Variants in PTPRQ observed in about 807,000 individuals in gnomAD.
The protein encoded by PTPRQ is protein tyrosine phosphatase receptor type Q.
In PTPRQ, 199 loss-of-function variants were observed where a neutral mutation model predicts 246.0. That is an observed-to-expected ratio of 0.81 (90% CI 0.72 to 0.91). The LOEUF is 0.91. Ranked by LOEUF, PTPRQ falls within the 40% of genes least tolerant of loss-of-function variation. PTPRQ has a pLI of 0.00. For missense variants in PTPRQ, 2,624 were observed against 2,528.4 expected, an observed-to-expected ratio of 1.04 and a Z score of -0.81; for synonymous variants, 869 against 853.2, an observed-to-expected ratio of 1.02 and a Z score of -0.32.
chr12:80,631,477 T>G (rs1019045555), intron 33 of PTPRQ, among the ~76,000 whole-genome samples: 1 of 152,196 alleles, frequency 6.6e-6, no homozygotes, highest in Non-Finnish European at 1.5e-5. Flanking sequence ...TTCTTCCCTC[T>G]TTGGCCAGTA....
At chr12:80,612,131 C>G (rs548192972) in intron 28 of PTPRQ, among the ~76,000 whole-genome samples, 87 of 150,400 alleles carry the variant, frequency 5.8e-4, no homozygotes, top group African/African-American at 2.1e-3. Context: ...CAATCAGTCA[C>G]TTATATAAAG....
intron 35 of PTPRQ, among the ~76,000 whole-genome samples, chr12:80,647,869 TACA>T (rs1243915968): frequency 2.0e-5 from 3 of 151,366 alleles, no homozygotes; most frequent in Non-Finnish European, 4.4e-5. Context: ...AGCTGGAAGA[TACA>T]ACATCTCTTT....
intron 41 of PTPRQ, among the ~76,000 whole-genome samples, chr12:80,669,854 C>A (rs1900912442): frequency 6.6e-6 from 1 of 152,040 alleles, no homozygotes; most frequent in Non-Finnish European, 1.5e-5. Flanking sequence ...ATTTAATCTG[C>A]AGCCAGATAG....
chr12:80,626,134 G>T (rs1351863541), intron 33 of PTPRQ, among the ~76,000 whole-genome samples: 1 of 152,114 alleles, frequency 6.6e-6, no homozygotes, highest in African/African-American at 2.4e-5. Flanking sequence ...CAGAAATAGG[G>T]AGTTGCTATG....
chr12:80,465,602 C>T (rs1893369664), intron 6 of PTPRQ: 1 of 152,308 alleles, frequency 6.6e-6, no homozygotes, highest in African/African-American at 2.4e-5. Flanking sequence ...TGCAAAAATC[C>T]TCAGTAAAAT....
At chr12:80,584,788 G>T (rs939648994) in intron 25 of PTPRQ, among the ~76,000 whole-genome samples, 1 of 152,068 alleles carries the variant, frequency 6.6e-6, no homozygotes, top group Non-Finnish European at 1.5e-5. Context: ...TTTTGAAAAT[G>T]TATCTTATGT....
intron 38 of PTPRQ, among the ~76,000 whole-genome samples, chr12:80,655,489 A>G (rs2121241661): frequency 6.6e-6 from 1 of 152,204 alleles, no homozygotes; most frequent in East Asian, 1.9e-4. Context: ...AACAAACCCA[A>G]ATCTCTAGCC....
intron 25 of PTPRQ, among the ~76,000 whole-genome samples, chr12:80,587,007 C>A (rs1262474068): frequency 6.6e-6 from 1 of 152,084 alleles, no homozygotes; most frequent in Admixed American, 6.5e-5. Flanking sequence ...GTCTGGGAGC[C>A]AGTACCCTGT....
intron 19 of PTPRQ, among the ~76,000 whole-genome samples, chr12:80,536,427 C>A (rs551914192): frequency 1.3e-5 from 2 of 152,230 alleles, no homozygotes; most frequent in Admixed American, 1.3e-4. Flanking sequence ...CAGGACTAAC[C>A]TAGCAGGGAG....
intron 14 of PTPRQ, among the ~76,000 whole-genome samples, chr12:80,497,551 T>C (rs907937961): frequency 1.3e-5 from 2 of 152,014 alleles, no homozygotes; most frequent in African/African-American, 2.4e-5. Context: ...ACCCCTGTTA[T>C]AGAGGTTGCT....
chr12:80,674,617 A>G (rs1901076719), intron 43 of PTPRQ, among the ~76,000 whole-genome samples: 1 of 152,150 alleles, frequency 6.6e-6, no homozygotes, highest in Admixed American at 6.6e-5. Flanking sequence ...AATGTAGATT[A>G]TTTAGTTATG....
chr12:80,467,057 A>G (rs970722544), intron 6 of PTPRQ, among the ~76,000 whole-genome samples: 2 of 151,462 alleles, frequency 1.3e-5, no homozygotes, highest in African/African-American at 4.8e-5. Flanking sequence ...AACTACCATC[A>G]GAGTGAACAG....
chr12:80,503,614 C>T (rs1367247438), intron 14 of PTPRQ, among the ~76,000 whole-genome samples: 1 of 151,616 alleles, frequency 6.6e-6, no homozygotes, highest in African/African-American at 2.4e-5. Flanking sequence ...AGTTTTATAA[C>T]AGAACTCTTG....
At chr12:80,661,483 C>T (rs368431606) in intron 39 of PTPRQ, among the ~76,000 whole-genome samples, 9 of 149,750 alleles carry the variant, frequency 6.0e-5, no homozygotes, top group South Asian at 2.1e-4. Flanking sequence ...TTTTATATGC[C>T]GATATGTATA....
chr12:80,520,937 C>A (rs1592608769), intron 17 of PTPRQ, among the ~76,000 whole-genome samples: 1 of 151,864 alleles, frequency 6.6e-6, no homozygotes, highest in South Asian at 2.1e-4. Flanking sequence ...AATCGCCACA[C>A]TGACTTCCAC....
chr12:80,539,803 GA>G lies in PTPRQ; in HGVS notation c.3014del (p.Asp1005AlafsTer5). On this transcript the variant is annotated frameshift_variant, in exon 20 of 45. Transcript: ENST00000644991. LOFTEE classifies it high-confidence loss of function. ...TTTTACACTCCATGAAGTAACCAATGACTTTGACAATATGACTGTATCCACA... is the reference window on the plus strand; with the variant it reads ...TTTTACACTCCATGAAGTAACCAATGCTTTGACAATATGACTGTATCCACA... ...QNFTLHEVTN[D>X]FDNMTVSTII... 6.5e-7 allele frequency: 1 copy of G among 1,546,634 alleles called. No individual in the cohort carries two copies. Among genetic ancestry groups the G allele is most frequent in the Non-Finnish European group, 8.7e-7 (1 of 1,145,222 alleles).
At chr12:80,619,899 A>G (rs1051295288) in intron 31 of PTPRQ, among the ~76,000 whole-genome samples, 2 of 151,430 alleles carry the variant, frequency 1.3e-5, no homozygotes, top group Non-Finnish European at 3.0e-5. Context: ...GGAGGGGTGA[A>G]CAAGTGAGTT....
At chr12:80,518,498 G>C (rs1370991326) in intron 17 of PTPRQ, among the ~76,000 whole-genome samples, 1 of 151,964 alleles carries the variant, frequency 6.6e-6, no homozygotes, top group East Asian at 1.9e-4. Context: ...TTGTGATCCT[G>C]TTTGTCCGTT....
chr12:80,579,566 G>A lies in PTPRQ; in HGVS notation c.4286-8563G>A, dbSNP rs573878616. ...ATTAACTAAAATATTTTTCATCTAT[G>A]TATGAAAAGGTTCTTATACATTGAC... On this transcript the variant is annotated intron_variant, in intron 25 of 44. Transcript: ENST00000644991. 5.7e-4 allele frequency among the ~76,000 whole-genome samples: 87 copies of A among 152,110 alleles called. 1 individual carries two copies. Among genetic ancestry groups the A allele is most frequent in the African/African-American group, 2.0e-3 (82 of 41,470 alleles).
Sources: gnomAD v4.1 joint callset for allele counts (sites outside exome capture counted in the v4.1 genomes callset) on GRCh38, gnomAD v4.1.1 for gene constraint, MANE v1.5 for transcripts, NCBI Gene and HGNC (gene_info 2026-07-23, HGNC 2026-07-21) for gene names.